SLC8A2: variants seen among roughly 807,000 people sequenced by gnomAD.
The protein encoded by SLC8A2 is sodium/calcium exchanger 2.
Under a neutral mutation model 70.2 loss-of-function variants are expected in SLC8A2, and 14 were observed. The ratio of observed to expected loss-of-function variants is 0.20; its 90% confidence interval spans 0.13 to 0.31. The LOEUF is 0.31. Ranked by LOEUF, SLC8A2 falls within the 10% of genes least tolerant of loss-of-function variation. The pLI, the probability that SLC8A2 is intolerant of heterozygous loss-of-function variation, is 1.00. For missense variants in SLC8A2, 779 were observed against 1,320.1 expected, an observed-to-expected ratio of 0.59 and a Z score of 6.35; for synonymous variants, 575 against 594.3, an observed-to-expected ratio of 0.97 and a Z score of 0.47.
chr19:47,471,134 G>GGAGA (rs146864248), intron 1 of SLC8A2, among the ~76,000 whole-genome samples: 15 of 146,374 alleles, frequency 1.0e-4, no homozygotes, highest in Middle Eastern at 3.6e-3. Flanking sequence ...GGGGAGGGAG[G>GGAGA]GAGAGAGAGA....
rs775248998 is a variant in SLC8A2, at chr19:47,430,494, G to C, written c.2390-29C>G. 6.4e-7 allele frequency: 1 copy of C among 1,555,738 alleles called. No homozygotes were observed. Among genetic ancestry groups the C allele is most frequent in the Non-Finnish European group, 8.7e-7 (1 of 1,153,716 alleles). On this transcript the variant is annotated intron_variant, in intron 9 of 9. Transcript: ENST00000236877. This position sits in a 1 kb window ranked among gnomAD's most constrained non-coding sequence, Gnocchi z 5.9. ...CGAGGCAGAGACATACAGGTCGGAG[G>C]GGCTTTGCGCCGCCACCCACAGGGG... is the stretch of plus-strand genomic sequence containing the variant.
At chr19:47,439,153 C>T (rs1967067430) in intron 6 of SLC8A2, among the ~76,000 whole-genome samples, 1 of 152,170 alleles carries the variant, frequency 6.6e-6, no homozygotes, top group Non-Finnish European at 1.5e-5. Flanking sequence ...TGCCAAAGCT[C>T]CCTGGCACAG....
chr19:47,443,065 T>C (rs756843750), intron 4 of SLC8A2, among the ~76,000 whole-genome samples: 39 of 152,224 alleles, frequency 2.6e-4, no homozygotes, highest in Admixed American at 6.5e-4. Context: ...CTTCCCCATC[T>C]TTAAATTTAA....
intron 4 of SLC8A2, 68 bp from the exon 5 acceptor site, chr19:47,441,508 C>T: frequency 3.3e-6 from 3 of 915,098 alleles, no homozygotes; most frequent in Non-Finnish European, 5.2e-6. Flanking sequence ...CACCAGGCAA[C>T]CCTCCTGGCA....
At chr19:47,444,553 C>T (rs1344889725) in intron 4 of SLC8A2, among the ~76,000 whole-genome samples, 2 of 152,216 alleles carry the variant, frequency 1.3e-5, no homozygotes, top group Non-Finnish European at 1.5e-5. Flanking sequence ...ATGCTCCTCA[C>T]ACACCCTGAC....
Position 47,467,836 on chromosome 19 carries a change from CAA to C in SLC8A2, c.-16-1419_-16-1418del, listed in dbSNP as rs35745146. 6.8e-3 allele frequency among the ~76,000 whole-genome samples: 261 copies of C among 38,380 alleles called. 1 individual carries two copies. Among genetic ancestry groups the C allele is most frequent in the African/African-American group, 0.027 (249 of 9,208 alleles). 25.2% of individuals were successfully genotyped at this position (38,380 alleles called of 152,430 possible). A position where few individuals can be genotyped will look rare whatever the true frequency, so the allele number is the denominator to read the frequency against. ...TGAAACCCTGTCTCTTCTAAAAATA[CAA>C]AAAAAAAAAAAAAAAAAAAAAAGCC... On this transcript the variant is annotated intron_variant, in intron 1 of 9. Coordinates refer to ENST00000236877, the MANE Select transcript of SLC8A2 (RefSeq NM_015063.3).
chr19:47,463,459 C>T (rs1386996957), intron 2 of SLC8A2, among the ~76,000 whole-genome samples: 1 of 148,428 alleles, frequency 6.7e-6, no homozygotes, highest in Non-Finnish European at 1.5e-5. Flanking sequence ...AGGCAGGGCA[C>T]AGTGGCTCAC....
chr19:47,457,600 G>A lies in SLC8A2; in HGVS notation c.676-6C>T. 1 of 1,535,476 alleles carries A rather than the reference G, an allele frequency of 6.5e-7. No individual in the cohort carries two copies. ...GTCAGCAGCGCCTCCCACACCTGCG[G>A]GCGGCGGGCGTCAGGGCGAGGCCGG... On this transcript the variant is annotated splice_region_variant and splice_polypyrimidine_tract_variant and intron_variant, in intron 2 of 9. Coordinates refer to ENST00000236877, the MANE Select transcript of SLC8A2 (RefSeq NM_015063.3).
rs566468873 is a variant in SLC8A2 at position 47,432,890 on chromosome 19, T to G, written c.2111-445A>C. On this transcript the variant is annotated intron_variant, in intron 8 of 9. Coordinates refer to ENST00000236877, the MANE Select transcript of SLC8A2 (RefSeq NM_015063.3). The surrounding 1 kb of genome is among the most constrained non-coding windows in gnomAD (Gnocchi z 6.2). ...AATGGGCCCAGGTGACAAATATTTA[T>G]TTTCCCAGAATCCCTTGCACCTAAA... Among the ~76,000 whole-genome samples, 1 of 138,808 alleles carries G rather than the reference T, an allele frequency of 7.2e-6. No individual in the cohort carries two copies. The highest frequency in any genetic ancestry group is 1.6e-5 in the Non-Finnish European group (1 of 63,702). The allele number at this position is 138,808 out of a possible 152,430, so 91.1% of individuals were successfully genotyped here.
In SLC8A2 at chr19:47,457,673, C is replaced by G. The variant is rs995224157; in HGVS notation, c.676-79G>C. ...GCCTCTCTGTCTCAGTCTCTGTCCG[C>G]CTCTGCCACTCCTCATCTCTCTCCC... On this transcript the variant is annotated intron_variant, in intron 2 of 9. Transcript: ENST00000236877. 7.8e-5 allele frequency: 72 copies of G among 925,602 alleles called. No individual in the cohort carries two copies. In the African/African-American group the frequency reaches 1.2e-3, roughly 15 times the overall value. The allele number at this position is 925,602 out of a possible 1,614,324, so 57.3% of individuals were successfully genotyped here.
Position 47,429,362 on chromosome 19 carries a change from C to G in SLC8A2, c.*727G>C, listed in dbSNP as rs1271371601. On this transcript the variant is annotated 3_prime_UTR_variant, in exon 10 of 10. Coordinates refer to ENST00000236877, the MANE Select transcript of SLC8A2 (RefSeq NM_015063.3). ...CTGGGCTCTCAGAGGTAGTGGAGGG[C>G]GAGTGGGGGAGCTGGAATGTCTGAA... 1 of 152,930 alleles carries G rather than the reference C, an allele frequency of 6.5e-6. No homozygotes were observed. Among genetic ancestry groups the G allele is most frequent in the Non-Finnish European group, 1.5e-5 (1 of 68,286 alleles). The allele number at this position is 152,930 out of a possible 1,614,324, so 9.5% of individuals were successfully genotyped here.
chr19:47,469,629 CTAGA>C (rs1967508560), intron 1 of SLC8A2, among the ~76,000 whole-genome samples: 1 of 152,176 alleles, frequency 6.6e-6, no homozygotes, highest in Non-Finnish European at 1.5e-5. Flanking sequence ...AGAGAAAGCA[CTAGA>C]TAAATATTTG....
At chr19:47,458,520 TTCTC>T (rs1388439888) in intron 2 of SLC8A2, among the ~76,000 whole-genome samples, 1 of 134,636 alleles carries the variant, frequency 7.4e-6, no homozygotes, top group African/African-American at 2.8e-5. Flanking sequence ...TCCTCCTCAT[TTCTC>T]TCTCCTTTCC....
At chr19:47,446,933 A>C (rs974516265) in intron 4 of SLC8A2, among the ~76,000 whole-genome samples, 5 of 151,996 alleles carry the variant, frequency 3.3e-5, no homozygotes, top group Non-Finnish European at 7.4e-5. Context: ...GAGTGTATCC[A>C]GCCAGCCCAC....
rs775654116 is a variant in SLC8A2, at chr19:47,466,317, C to T, written c.87G>A (p.Pro29=). The change falls in exon 2 of 10, where the codon CCG becomes CCA. Residue 29 remains proline (P), a synonymous_variant. Coordinates refer to ENST00000236877, the MANE Select transcript of SLC8A2 (RefSeq NM_015063.3). This position sits in a 1 kb window ranked among gnomAD's most constrained non-coding sequence, Gnocchi z 6.9. ...SGAATPTPSL[P]PPPANDSDTS... is the part of the protein sequence containing the mutation. ...TGTCGCTGTCATTGGCCGGGGGAGG[C>T]GGCAGGGAGGGGGTTGGGGTGGCTG... The T allele has an allele frequency of 7.4e-5, 110 of 1,481,872 alleles. 1 individual carries two copies. In the East Asian group the frequency reaches 2.4e-3, roughly 33 times the overall value. 91.8% of individuals were successfully genotyped at this position (1,481,872 alleles called of 1,614,324 possible).
At chr19:47,469,952 G>C (rs1368010874) in intron 1 of SLC8A2, among the ~76,000 whole-genome samples, 2 of 152,210 alleles carry the variant, frequency 1.3e-5, no homozygotes, top group African/African-American at 2.4e-5. Context: ...TGCATGCCTG[G>C]GGGTGGGTGC....
Position 47,457,115 on chromosome 19 carries a change from C to T in SLC8A2, c.1155G>A (p.Ala385=), listed in dbSNP as rs781115768. Reference sequence around the variant, plus strand: ...TGGCGCCGTCGTCTTCGTCCTCGCCCGCGCCCTCGGCCGGCGCCGCCCTGC... The same window carrying T: ...TGGCGCCGTCGTCTTCGTCCTCGCCTGCGCCCTCGGCCGGCGCCGCCCTGC... ...ASRRAAPAEG[A]GEDEDDGASR... The change falls in exon 3 of 10, where the codon GCG becomes GCA. Residue 385 remains alanine, a synonymous_variant. Coordinates refer to ENST00000236877, the MANE Select transcript of SLC8A2 (RefSeq NM_015063.3). The T allele has an allele frequency of 6.4e-6, 10 of 1,550,712 alleles. No homozygotes were observed. Among genetic ancestry groups the T allele is most frequent in the Admixed American group, 2.0e-5 (1 of 50,812 alleles).
intron 2 of SLC8A2, among the ~76,000 whole-genome samples, chr19:47,464,973 A>G (rs917639509): frequency 6.6e-6 from 1 of 152,236 alleles, no homozygotes. Context: ...TTGTCTCACT[A>G]TTGGAATAAA....
In SLC8A2 at chr19:47,441,336, C is replaced by T. The variant is rs1354142335; in HGVS notation, c.1867+1G>A. On this transcript the variant is annotated splice_donor_variant, in intron 5 of 9. Transcript: ENST00000236877. LOFTEE classifies it high-confidence loss of function. ...CCCACAGCCCACTGGTCACCCCTCA[C>T]CTGAAATCCCTCGCTTAAGCCACTG... 6.2e-7 allele frequency: 1 copy of T among 1,610,664 alleles called. No individual in the cohort carries two copies. Among genetic ancestry groups the T allele is most frequent in the Non-Finnish European group, 8.5e-7 (1 of 1,176,944 alleles).
Sources: gnomAD v4.1 joint callset for allele counts (sites outside exome capture counted in the v4.1 genomes callset) on GRCh38, gnomAD v4.1.1 for gene constraint, Gnocchi (gnomAD v3.1) non-coding constraint, MANE v1.5 for transcripts, NCBI Gene and HGNC (gene_info 2026-07-23, HGNC 2026-07-21) for gene names.